Variants in ZPBP observed in about 807,000 individuals in gnomAD.
The protein encoded by ZPBP is zona pellucida binding protein.
ZPBP carries 26 observed loss-of-function variants against 44.8 expected under a neutral mutation model. That is an observed-to-expected ratio of 0.58 (90% CI 0.43 to 0.81). ZPBP has a LOEUF of 0.81. ZPBP is among the 30% of genes least tolerant of loss of function. ZPBP has a pLI of 0.00. For missense variants in ZPBP, 409 were observed against 434.0 expected (o/e 0.94, Z 0.51); for synonymous variants, 174 against 153.2 (o/e 1.14, Z -1.00).
intron 2 of ZPBP, among the ~76,000 whole-genome samples, chr7:49,891,411 A>G (rs910975112): frequency 3.3e-5 from 5 of 152,236 alleles, no homozygotes; most frequent in Non-Finnish European, 7.3e-5. Flanking sequence ...GTCATCACAC[A>G]TCAGACAAAG....
intron 1 of ZPBP, 75 bp from the exon 2 acceptor site, chr7:50,089,784 T>C (rs1802858059): frequency 1.7e-6 from 2 of 1,188,286 alleles, no homozygotes; most frequent in African/African-American, 1.5e-5. Flanking sequence ...ACAGTATCTT[T>C]GGTATTGGTT....
chr7:49,933,485 T>C (rs1794516657), downstream of ZPBP, among the ~76,000 whole-genome samples: 2 of 152,198 alleles, frequency 1.3e-5, no homozygotes, highest in Non-Finnish European at 2.9e-5. Flanking sequence ...ATTGTGGAAG[T>C]CAGTGTGGAG....
At chr7:49,932,010 C>T (rs1388359055) in intron 1 of ZPBP, among the ~76,000 whole-genome samples, 1 of 152,222 alleles carries the variant, frequency 6.6e-6, no homozygotes, top group African/African-American at 2.4e-5. Context: ...TGTGGGTACA[C>T]AGAGGTCAAG....
At chr7:49,965,347 G>A (rs1314500729) in intron 7 of ZPBP, among the ~76,000 whole-genome samples, 1 of 151,712 alleles carries the variant, frequency 6.6e-6, no homozygotes, top group Non-Finnish European at 1.5e-5. Context: ...AGACAGAGGA[G>A]GGGCAACCAT....
intron 2 of ZPBP, among the ~76,000 whole-genome samples, chr7:49,883,801 A>C (rs1791781681): frequency 6.6e-6 from 1 of 152,244 alleles, no homozygotes; most frequent in Non-Finnish European, 1.5e-5. Context: ...GTATCAGTTA[A>C]AATCAATGAA....
chr7:49,856,689 A>G (rs1790429605), intron 2 of ZPBP, among the ~76,000 whole-genome samples: 1 of 152,136 alleles, frequency 6.6e-6, no homozygotes, highest in Non-Finnish European at 1.5e-5. Context: ...CATCACCTCC[A>G]AAAGTTCTCT....
chr7:50,064,169 C>G (rs1385319439), intron 3 of ZPBP, among the ~76,000 whole-genome samples: 1 of 152,038 alleles, frequency 6.6e-6, no homozygotes, highest in Non-Finnish European at 1.5e-5. Context: ...TGGTAGGATC[C>G]GTGATGCCCC....
intron 6 of ZPBP, among the ~76,000 whole-genome samples, chr7:49,991,068 C>T (rs565851982): frequency 1.1e-4 from 16 of 151,890 alleles, no homozygotes; most frequent in Admixed American, 9.8e-4. Context: ...TGATTAACAC[C>T]CATATTTGGG....
intron 2 of ZPBP, among the ~76,000 whole-genome samples, chr7:49,868,672 C>T (rs2128722513): frequency 6.6e-6 from 1 of 152,314 alleles, no homozygotes; most frequent in Admixed American, 6.5e-5. Flanking sequence ...GGCTGAAGTG[C>T]AATGGCACGA....
intron 4 of ZPBP, among the ~76,000 whole-genome samples, chr7:50,032,968 CAT>C (rs1799669043): frequency 6.6e-6 from 1 of 152,100 alleles, no homozygotes; most frequent in Non-Finnish European, 1.5e-5. Flanking sequence ...AAACTGGACT[CAT>C]AAAATTGCTA....
chr7:49,950,254 A>G (rs1795281766), intron 7 of ZPBP, among the ~76,000 whole-genome samples: 1 of 151,980 alleles, frequency 6.6e-6, no homozygotes, highest in African/African-American at 2.4e-5. Context: ...TAAAATAACT[A>G]TAACTGGGTA....
At chr7:50,001,745 T>A (rs1177224516) in intron 6 of ZPBP, among the ~76,000 whole-genome samples, 3 of 152,268 alleles carry the variant, frequency 2.0e-5, no homozygotes, top group Middle Eastern at 3.4e-3. Context: ...GTGGTAATGA[T>A]GGGAAACCCG....
At chr7:50,088,585 T>C (rs932177434) in intron 2 of ZPBP, among the ~76,000 whole-genome samples, 3 of 151,688 alleles carry the variant, frequency 2.0e-5, no homozygotes, top group African/African-American at 7.3e-5. Flanking sequence ...ACCACCAAAT[T>C]TAAAAACGGG....
At chr7:49,885,838 G>GC (rs1217644021) in intron 2 of ZPBP, among the ~76,000 whole-genome samples, 2 of 152,252 alleles carry the variant, frequency 1.3e-5, no homozygotes, top group Non-Finnish European at 2.9e-5. Context: ...GCAGCAGCTG[G>GC]CCGCTGCAGC....
intron 2 of ZPBP, among the ~76,000 whole-genome samples, chr7:49,871,886 T>G (rs1227666502): frequency 6.9e-6 from 1 of 145,318 alleles, no homozygotes; most frequent in Non-Finnish European, 1.5e-5. Context: ...TAATGTTTTT[T>G]GTATGTATAT....
Position 49,958,984 on chromosome 7 carries a change from T to C in ZPBP, c.962-21362A>G, listed in dbSNP as rs142199543. Among the ~76,000 whole-genome samples, 267 of 152,258 alleles carry C rather than the reference T, an allele frequency of 1.8e-3. 3 individuals are homozygous for C. Among genetic ancestry groups the C allele is most frequent in the African/African-American group, 6.0e-3 (250 of 41,552 alleles). ...AATCAAATAATAAATAAAAGGACCA[T>C]GACCACATAGGTTTTTATCCCAGAA... On this transcript the variant is annotated intron_variant, in intron 7 of 7. Coordinates refer to ENST00000046087, the MANE Select transcript of ZPBP (RefSeq NM_007009.3).
At chr7:50,010,576 A>G (rs1798522969) in intron 6 of ZPBP, among the ~76,000 whole-genome samples, 1 of 152,196 alleles carries the variant, frequency 6.6e-6, no homozygotes, top group African/African-American at 2.4e-5. Context: ...ACTGAGAATC[A>G]AATCACGGAC....
chr7:49,867,745 C>T (rs1790964981), intron 2 of ZPBP, among the ~76,000 whole-genome samples: 1 of 152,248 alleles, frequency 6.6e-6, no homozygotes, highest in Non-Finnish European at 1.5e-5. Flanking sequence ...AAAGTACAAA[C>T]AGCAGAAGAC....
In ZPBP at chr7:50,093,220, C is replaced by A; in HGVS notation, c.-26G>T. 2.7e-6 allele frequency: 4 copies of A among 1,503,216 alleles called. No individual in the cohort carries two copies. The highest frequency in any genetic ancestry group is 3.5e-6 in the Non-Finnish European group (4 of 1,129,798). 93.1% of individuals were successfully genotyped at this position (1,503,216 alleles called of 1,614,324 possible). ...CCACACGCCGCCGTCGCCTGCCCACCGTCCGCGCGGAAGGTCGTTAGGCAA... is the reference window on the plus strand; with the variant it reads ...CCACACGCCGCCGTCGCCTGCCCACAGTCCGCGCGGAAGGTCGTTAGGCAA... On this transcript the variant is annotated 5_prime_UTR_variant, in exon 1 of 8. Transcript: ENST00000046087.
Sources: gnomAD v4.1 joint callset for allele counts (sites outside exome capture counted in the v4.1 genomes callset) on GRCh38, gnomAD v4.1.1 for gene constraint, MANE v1.5 for transcripts, NCBI Gene and HGNC (gene_info 2026-07-23, HGNC 2026-07-21) for gene names.